Variants in RFX4 observed in about 807,000 individuals in gnomAD.
RFX4 encodes regulatory factor X4.
Under a neutral mutation model 95.0 loss-of-function variants are expected in RFX4, and 10 were observed. The ratio of observed to expected loss-of-function variants is 0.11; its 90% CI spans 0.06 to 0.18. The LOEUF (loss-of-function observed/expected upper bound fraction) is 0.18. Ranked by LOEUF, RFX4 falls within the 10% of genes least tolerant of loss-of-function variation. RFX4 has a pLI of 1.00. For synonymous variants in RFX4, 321 were observed against 340.7 expected (o/e 0.94, Z 0.64); for missense variants, 640 against 922.0 (o/e 0.69, Z 3.96).
rs2042624910 is a variant in RFX4, at chr12:106,732,134, T to G, written c.1356T>G (p.Ser452=). Residue 452 remains serine (S), a synonymous_variant, in exon 14 of 18, where the codon TCT becomes TCG. Coordinates refer to ENST00000392842, the MANE Select transcript of RFX4 (RefSeq NM_213594.3). Reference sequence around the variant, plus strand: ...TTTGATCCTTTTTTTCACCAGGGTCTTTTCACCTAATTCACTTAATGTTTG... The same window carrying G: ...TTTGATCCTTTTTTTCACCAGGGTCGTTTCACCTAATTCACTTAATGTTTG... ...MTLHSAPSFG[S]FHLIHLMFDD... is the part of the protein sequence containing the mutation. 1.2e-6 allele frequency: 2 copies of G among 1,613,000 alleles called. No homozygotes were observed. Among genetic ancestry groups the G allele is most frequent in the South Asian group, 1.1e-5 (1 of 91,006 alleles).
chr12:106,686,806 C>A (rs1359593395), intron 5 of RFX4, 78 bp from the exon 6 acceptor site: 2 of 1,382,800 alleles, frequency 1.4e-6, no homozygotes, highest in Non-Finnish European at 2.0e-6. Context: ...ACTCAGGAAA[C>A]CTCACTTAAT....
At chr12:106,734,289 G>A (rs1161750281) in intron 15 of RFX4, among the ~76,000 whole-genome samples, 1 of 152,126 alleles carries the variant, frequency 6.6e-6, no homozygotes, top group African/African-American at 2.4e-5. Context: ...TAATGCCATT[G>A]AACTGTACAC....
intron 8 of RFX4, among the ~76,000 whole-genome samples, chr12:106,705,019 T>G (rs2042057405): frequency 6.6e-6 from 1 of 151,858 alleles, no homozygotes; most frequent in African/African-American, 2.4e-5. Flanking sequence ...CAAAGTGGAG[T>G]AGGACAGCGG....
intron 3 of RFX4, 47 bp from the exon 4 acceptor site, chr12:106,654,181 T>A (rs980034500): frequency 6.2e-7 from 1 of 1,612,768 alleles, no homozygotes. Context: ...CGTTCTTGCT[T>A]GGGGAAGGTA....
chr12:106,585,225 G>T (rs1013593682), intron 1 of RFX4, among the ~76,000 whole-genome samples: 5 of 152,202 alleles, frequency 3.3e-5, no homozygotes, highest in Non-Finnish European at 5.9e-5. Context: ...ACAGGGCCAG[G>T]CCCCTCGGTA....
chr12:106,631,931 T>C (rs891519921), intron 2 of RFX4, among the ~76,000 whole-genome samples: 3 of 152,194 alleles, frequency 2.0e-5, no homozygotes, highest in Admixed American at 6.5e-5. Flanking sequence ...ATAACCATTA[T>C]AGGAGCAGGG....
Position 106,720,441 on chromosome 12 carries a change from G to A in RFX4, c.1234-318G>A, listed in dbSNP as rs1420548649. Among the ~76,000 whole-genome samples, 1 of 151,958 alleles carries A rather than the reference G, an allele frequency of 6.6e-6. No individual in the cohort carries two copies. Among genetic ancestry groups the A allele is most frequent in the Non-Finnish European group, 1.5e-5 (1 of 67,996 alleles). On this transcript the variant is annotated intron_variant, in intron 12 of 17. Transcript: ENST00000392842. The surrounding 1 kb of genome is among the most constrained non-coding windows in gnomAD (Gnocchi z 4.2). ...TTGTTGCCCAGGCTGGAGTGCAGTG[G>A]TGCGATCACAGCTCACTGCAGCCTT...
chr12:106,692,277 G>C (rs1337410739), intron 7 of RFX4, among the ~76,000 whole-genome samples: 1 of 152,144 alleles, frequency 6.6e-6, no homozygotes, highest in Non-Finnish European at 1.5e-5. Flanking sequence ...ATCTGCCACT[G>C]ACTAGCCTGT....
At chr12:106,688,064 C>CTTT (rs754808212) in intron 6 of RFX4, among the ~76,000 whole-genome samples, 145 of 96,212 alleles carry the variant, frequency 1.5e-3, no homozygotes, top group African/African-American at 2.3e-3. Context: ...TATCACATTT[C>CTTT]TTTTTTTTTT....
At chr12:106,752,563 C>T (rs919046296) in intron 17 of RFX4, among the ~76,000 whole-genome samples, 1 of 152,108 alleles carries the variant, frequency 6.6e-6, no homozygotes, top group African/African-American at 2.4e-5. Flanking sequence ...GGTCTCCTTT[C>T]CCATCACCAC....
intron 1 of RFX4, chr12:106,601,455 T>A: frequency 8.6e-7 from 1 of 1,161,252 alleles, no homozygotes; most frequent in East Asian, 2.6e-5. Context: ...TCAACTCTTT[T>A]ATGTAGCGTT....
chr12:106,637,994 T>C (rs2040546365), intron 2 of RFX4, among the ~76,000 whole-genome samples: 1 of 152,090 alleles, frequency 6.6e-6, no homozygotes, highest in Non-Finnish European at 1.5e-5. Context: ...AAATATTATA[T>C]TCGATTATTA....
At chr12:106,655,215 AC>A (rs2040932711) in intron 4 of RFX4, among the ~76,000 whole-genome samples, 1 of 152,186 alleles carries the variant, frequency 6.6e-6, no homozygotes, top group Admixed American at 6.5e-5. Flanking sequence ...TGAGCCAGCC[AC>A]CCTGGAGAGC....
At chr12:106,589,826 T>A (rs1350814889) in intron 1 of RFX4, among the ~76,000 whole-genome samples, 1 of 152,172 alleles carries the variant, frequency 6.6e-6, no homozygotes, top group African/African-American at 2.4e-5. Context: ...GACTCCGCCT[T>A]TAAGGGGGAT....
At chr12:106,681,952 A>G (rs774193631) in intron 4 of RFX4, 41 bp from the exon 5 acceptor site, 70 of 1,609,724 alleles carry the variant, frequency 4.3e-5, no homozygotes, top group Admixed American at 2.2e-4. Context: ...TATGCTCCCA[A>G]CTCTTCCCAA....
chr12:106,715,235 C>T (rs2042265179), intron 10 of RFX4, 165 bp from the exon 11 acceptor site: 3 of 705,416 alleles, frequency 4.3e-6, no homozygotes, highest in Non-Finnish European at 6.8e-6. Flanking sequence ...TCTGCGTCTT[C>T]TGAGTTACAG....
At chr12:106,632,108 G>C (rs1200525651) in intron 2 of RFX4, among the ~76,000 whole-genome samples, 2 of 152,168 alleles carry the variant, frequency 1.3e-5, no homozygotes, top group Non-Finnish European at 2.9e-5. Flanking sequence ...TGGGATTTGA[G>C]CCTGGAAATT....
At chr12:106,733,999 C>T (rs2042661992) in intron 15 of RFX4, among the ~76,000 whole-genome samples, 1 of 152,172 alleles carries the variant, frequency 6.6e-6, no homozygotes, top group Non-Finnish European at 1.5e-5. Flanking sequence ...CCTTGGAAAG[C>T]AATGAAATTC....
chr12:106,676,764 G>C (rs957003081), intron 4 of RFX4, among the ~76,000 whole-genome samples: 10 of 152,166 alleles, frequency 6.6e-5, no homozygotes, highest in Non-Finnish European at 1.0e-4. Flanking sequence ...GAGGAGAATA[G>C]AAGAGAAATC....
Sources: allele counts gnomAD v4.1 joint callset (sites outside exome capture counted in the v4.1 genomes callset), GRCh38; gene constraint gnomAD v4.1.1; non-coding constraint Gnocchi (gnomAD v3.1); transcripts MANE v1.5; gene names NCBI Gene and HGNC (gene_info 2026-07-23, HGNC 2026-07-21).